Variants in RASAL2 observed in about 807,000 individuals in gnomAD.
The protein encoded by RASAL2 is ras GTPase-activating protein nGAP.
RASAL2 carries 58 observed loss-of-function variants against 128.9 expected under a neutral mutation model. The ratio of observed to expected loss-of-function variants is 0.45; its 90% CI spans 0.36 to 0.56. The LOEUF is 0.56. Among genes scored for constraint, RASAL2 ranks in the 20% least tolerant of loss-of-function variants. The probability of loss-of-function intolerance (pLI) is 0.00; values close to 1 mark genes in which losing one functional copy is unlikely to be tolerated. For missense variants in RASAL2, 1,360 were observed against 1,601.6 expected (o/e 0.85, Z 2.57); for synonymous variants, 561 against 580.8 (o/e 0.97, Z 0.49).
intron 1 of RASAL2, among the ~76,000 whole-genome samples, chr1:178,270,753 G>A (rs1464872562): frequency 6.6e-6 from 1 of 152,050 alleles, no homozygotes; most frequent in Non-Finnish European, 1.5e-5. Context: ...TAAGTGTGAA[G>A]ATGGACCTTG....
At chr1:178,390,004 C>T in intron 3 of RASAL2, 96 bp from the exon 4 acceptor site, 1 of 745,742 alleles carries the variant, frequency 1.3e-6, no homozygotes, top group Admixed American at 2.4e-5. Context: ...TTAAAGCATG[C>T]TGGTTTATTG....
intron 4 of RASAL2, among the ~76,000 whole-genome samples, chr1:178,397,641 G>A (rs1215838178): frequency 2.6e-5 from 4 of 151,112 alleles, no homozygotes; most frequent in African/African-American, 4.9e-5. Flanking sequence ...ATAGGGTCTC[G>A]CTGTGTCACC....
intron 1 of RASAL2, among the ~76,000 whole-genome samples, chr1:178,244,336 G>A (rs1355653706): frequency 1.3e-5 from 2 of 151,904 alleles, no homozygotes; most frequent in South Asian, 4.2e-4. Flanking sequence ...TCTGCCTCTC[G>A]GGTTCAAGTG....
chr1:178,141,741 A>G (rs1282898040), intron 1 of RASAL2, among the ~76,000 whole-genome samples: 3 of 152,112 alleles, frequency 2.0e-5, no homozygotes, highest in South Asian at 2.1e-4. Flanking sequence ...GATCTTAGTC[A>G]TGGACTGCAT....
At chr1:178,120,682 C>G (rs545275932) in intron 1 of RASAL2, among the ~76,000 whole-genome samples, 4 of 152,334 alleles carry the variant, frequency 2.6e-5, no homozygotes, top group Admixed American at 6.5e-5. Context: ...GCAGTCAAAC[C>G]TCTCTGCTGA....
chr1:178,219,075 A>C (rs1195681264), intron 1 of RASAL2, among the ~76,000 whole-genome samples: 1 of 152,260 alleles, frequency 6.6e-6, no homozygotes, highest in Non-Finnish European at 1.5e-5. Context: ...CTTCTGCATT[A>C]GCACTTGCTG....
intron 3 of RASAL2, among the ~76,000 whole-genome samples, chr1:178,325,757 A>T (rs1209560167): frequency 1.3e-5 from 2 of 152,190 alleles, no homozygotes; most frequent in African/African-American, 2.4e-5. Context: ...TACAGTATAG[A>T]GTTACAGTAA....
rs530639121 is a variant in RASAL2 at position 178,180,714 on chromosome 1, G to T, written c.202+86020G>T. 9.7e-5 allele frequency among the ~76,000 whole-genome samples: 12 copies of T among 123,474 alleles called. No homozygotes were observed. In the South Asian group the frequency reaches 2.5e-3, roughly 26 times the overall value. 81.0% of individuals were successfully genotyped at this position (123,474 alleles called of 152,430 possible). On this transcript the variant is annotated intron_variant, in intron 1 of 17. Transcript: ENST00000367649. ...ACACGATTCTGAGAAAGAAGAAAAG[G>T]CATTATTGCGACTCTAACCACAATT...
At chr1:178,119,021 C>T (rs774007266) in intron 1 of RASAL2, among the ~76,000 whole-genome samples, 21 of 152,144 alleles carry the variant, frequency 1.4e-4, no homozygotes, top group Non-Finnish European at 2.4e-4. Flanking sequence ...GCACCCGCCA[C>T]CACACCCAGC....
intron 3 of RASAL2, among the ~76,000 whole-genome samples, chr1:178,355,629 GATA>G (rs1289836679): frequency 6.6e-6 from 1 of 152,114 alleles, no homozygotes; most frequent in Admixed American, 6.5e-5. Context: ...AGAAAAAGGT[GATA>G]ATGTTTATTA....
At chr1:178,293,095 A>G (rs920991908) in intron 2 of RASAL2, among the ~76,000 whole-genome samples, 3 of 152,204 alleles carry the variant, frequency 2.0e-5, no homozygotes, top group African/African-American at 4.8e-5. Flanking sequence ...AAATTATTCA[A>G]TAGATATATA....
chr1:178,232,925 G>T (rs1233046873), intron 1 of RASAL2, among the ~76,000 whole-genome samples: 11 of 152,152 alleles, frequency 7.2e-5, no homozygotes, highest in Admixed American at 7.2e-4. Flanking sequence ...GTGTTGGTGG[G>T]TTGTTGTTGT....
At chr1:178,464,567 GGTGTGT>G (rs58822651) in intron 15 of RASAL2, among the ~76,000 whole-genome samples, 155 bp downstream of exon 15, 147 of 145,118 alleles carry the variant, frequency 1.0e-3, no homozygotes, top group African/African-American at 3.4e-3. Flanking sequence ...ATAGGTCAGT[GGTGTGT>G]GTGTGTGTGT....
At chr1:178,160,064 T>C (rs1661224648) in intron 1 of RASAL2, among the ~76,000 whole-genome samples, 1 of 151,994 alleles carries the variant, frequency 6.6e-6, no homozygotes, top group African/African-American at 2.4e-5. Context: ...TTTCTTTCTT[T>C]TTTTTTTTAA....
In RASAL2 at chr1:178,243,520, A is replaced by T. The variant is rs531781120; in HGVS notation, c.203-40044A>T. Among the ~76,000 whole-genome samples, 13 of 151,836 alleles carry T rather than the reference A, an allele frequency of 8.6e-5. No individual in the cohort carries two copies. In the East Asian group the frequency reaches 2.5e-3, roughly 30 times the overall value. On this transcript the variant is annotated intron_variant, in intron 1 of 17. Transcript: ENST00000367649. ...AGTCCCAGATCTGGAGGGGAAGAAGAATGCTTTCCCTGGCTGCTTATTGTC... is the reference window on the plus strand; with the variant it reads ...AGTCCCAGATCTGGAGGGGAAGAAGTATGCTTTCCCTGGCTGCTTATTGTC...
intron 5 of RASAL2, among the ~76,000 whole-genome samples, chr1:178,422,035 C>T (rs146945502): frequency 3.2e-4 from 49 of 151,774 alleles, no homozygotes; most frequent in African/African-American, 1.1e-3. Context: ...TTCTTAAGAA[C>T]AAAAATGTTG....
At chr1:178,274,785 C>T (rs967860563) in intron 1 of RASAL2, among the ~76,000 whole-genome samples, 1 of 152,054 alleles carries the variant, frequency 6.6e-6, no homozygotes, top group Non-Finnish European at 1.5e-5. Context: ...AGCCAGGGGT[C>T]CCACTTTGTT....
chr1:178,402,052 CTA>C (rs1463391716), intron 4 of RASAL2, among the ~76,000 whole-genome samples: 2 of 152,114 alleles, frequency 1.3e-5, no homozygotes, highest in Non-Finnish European at 2.9e-5. Flanking sequence ...CCTCTAACAC[CTA>C]TGATTTCTTT....
At chr1:178,283,716 G>C in intron 2 of RASAL2, 25 bp downstream of exon 2, 1 of 1,606,028 alleles carries the variant, frequency 6.2e-7, no homozygotes, top group Non-Finnish European at 8.5e-7. Context: ...ATTCAGGAAA[G>C]TTAGTTTCCT....
Sources: allele counts gnomAD v4.1 joint callset (sites outside exome capture counted in the v4.1 genomes callset), GRCh38; gene constraint gnomAD v4.1.1; transcripts MANE v1.5; gene names NCBI Gene and HGNC (gene_info 2026-07-23, HGNC 2026-07-21).